The following CPXM2 variants were observed in gnomAD, a reference collection of about 807,000 sequenced individuals.
CPXM2 encodes the protein carboxypeptidase X, M14 family member 2.
CPXM2 carries 66 observed loss-of-function variants against 86.1 expected under a neutral mutation model. The observed-to-expected ratio is 0.77, with a 90% CI of 0.63 to 0.94. The LOEUF is 0.94. CPXM2 is among the 40% of genes least tolerant of loss of function. CPXM2 has a pLI of 0.00. For missense variants in CPXM2, 948 were observed against 1,026.3 expected, an observed-to-expected ratio of 0.92 and a Z score of 1.04; for synonymous variants, 388 against 400.2, an observed-to-expected ratio of 0.97 and a Z score of 0.36.
At chr10:123,789,464 T>C (rs1369533110) in intron 6 of CPXM2, among the ~76,000 whole-genome samples, 1 of 152,234 alleles carries the variant, frequency 6.6e-6, no homozygotes, top group East Asian at 1.9e-4. Context: ...GCAGGGAAGC[T>C]GTCAGGAAAG....
intron 3 of CPXM2, among the ~76,000 whole-genome samples, chr10:123,862,046 C>T (rs541631547): frequency 1.3e-5 from 2 of 152,314 alleles, no homozygotes; most frequent in Admixed American, 1.3e-4. Flanking sequence ...ACTGATGGGA[C>T]TGACAGAGAG....
intron 2 of CPXM2, among the ~76,000 whole-genome samples, chr10:123,928,455 T>C (rs1425549617): frequency 1.3e-5 from 2 of 152,258 alleles, no homozygotes; most frequent in Non-Finnish European, 2.9e-5. Context: ...GCTCTTCTTA[T>C]AATATGGCCT....
intron 2 of CPXM2, among the ~76,000 whole-genome samples, chr10:123,877,197 T>C (rs866145511): frequency 6.6e-6 from 1 of 152,144 alleles, no homozygotes; most frequent in Non-Finnish European, 1.5e-5. Context: ...GTAAATAACA[T>C]GGCATAAGGT....
At chr10:123,921,337 C>T (rs1246653830) in intron 2 of CPXM2, among the ~76,000 whole-genome samples, 7 of 152,064 alleles carry the variant, frequency 4.6e-5, no homozygotes, top group Admixed American at 2.0e-4. Context: ...TAGATTTGGC[C>T]TGCCTGACAG....
intron 2 of CPXM2, among the ~76,000 whole-genome samples, chr10:123,868,448 C>T (rs539651671): frequency 3.9e-5 from 6 of 152,130 alleles, no homozygotes; most frequent in Non-Finnish European, 8.8e-5. Context: ...AAGGCAGAGA[C>T]GGCAGAAAGG....
At chr10:123,833,799 C>T (rs1057146035) in intron 4 of CPXM2, among the ~76,000 whole-genome samples, 1 of 152,176 alleles carries the variant, frequency 6.6e-6, no homozygotes, top group South Asian at 2.1e-4. Context: ...GGTCCGAGCA[C>T]ATTTCGGCTT....
At position 123,845,720 on chromosome 10, in the gene CPXM2, A is replaced by C. The variant is rs1317709790; in HGVS notation, c.514-3232T>G. On this transcript the variant is annotated intron_variant, in intron 3 of 13. Transcript: ENST00000241305. ...AGTTAAGTCTTCAAAACATGTAAGA[A>C]TCTAGTACACATAATAAACTAATAT... 3.3e-5 allele frequency among the ~76,000 whole-genome samples: 5 copies of C among 152,192 alleles called. No homozygotes were observed. In the East Asian group the frequency reaches 9.6e-4, roughly 29 times the overall value.
rs76411003 is a variant in CPXM2 at position 123,842,177 on chromosome 10, C to T, written c.653+172G>A. ...GTCGTTCTGAAACGCACCATCCCCC[C>T]CAGGAGAATGTGTCGACAACGAGCC... On this transcript the variant is annotated intron_variant, in intron 4 of 13. Transcript: ENST00000241305. Among the ~76,000 whole-genome samples, 38 of 152,346 alleles carry T rather than the reference C, an allele frequency of 2.5e-4. No homozygotes were observed. The East Asian group carries it at 5.0e-3, about 20-fold the overall frequency.
At chr10:123,935,290 GAAT>G (rs1238253026) in intron 2 of CPXM2, among the ~76,000 whole-genome samples, 3 of 152,286 alleles carry the variant, frequency 2.0e-5, no homozygotes, top group African/African-American at 7.2e-5. Flanking sequence ...CACTTTCAAT[GAAT>G]AAAACCTTAA....
At chr10:123,751,598 G>C (rs1239510223) in intron 13 of CPXM2, 1 of 985,210 alleles carries the variant, frequency 1.0e-6, no homozygotes, top group African/African-American at 1.7e-5. Context: ...GGTGAGCCGG[G>C]TGTCTGTCCA....
At chr10:123,751,204 C>T (rs2133967430) in intron 13 of CPXM2, 1 of 249,220 alleles carries the variant, frequency 4.0e-6, no homozygotes, top group African/African-American at 2.3e-5. Flanking sequence ...CACCCATAAG[C>T]CAGAGATGTT....
intron 3 of CPXM2, among the ~76,000 whole-genome samples, chr10:123,842,916 T>G (rs1354409007): frequency 6.6e-6 from 1 of 152,136 alleles, no homozygotes; most frequent in Non-Finnish European, 1.5e-5. Context: ...CCGGTGCTAT[T>G]TCAGGAATAT....
chr10:123,924,060 A>G (rs1564823649), intron 2 of CPXM2, among the ~76,000 whole-genome samples: 2 of 152,244 alleles, frequency 1.3e-5, no homozygotes, highest in Non-Finnish European at 2.9e-5. Flanking sequence ...TTGTGGTTAT[A>G]TAAGTAAAAA....
chr10:123,753,087 C>T (rs1419556110), intron 13 of CPXM2, among the ~76,000 whole-genome samples: 5 of 152,042 alleles, frequency 3.3e-5, no homozygotes, highest in African/African-American at 4.8e-5. Flanking sequence ...GAGAGGGTGA[C>T]GTCTGAGCAA....
intron 7 of CPXM2, among the ~76,000 whole-genome samples, chr10:123,774,851 G>T (rs753671135): frequency 6.6e-6 from 1 of 152,208 alleles, no homozygotes; most frequent in Non-Finnish European, 1.5e-5. Context: ...GACAGACACT[G>T]CCAGGACAGC....
chr10:123,826,892 C>G (rs1848059450), intron 4 of CPXM2, among the ~76,000 whole-genome samples: 2 of 151,872 alleles, frequency 1.3e-5, no homozygotes, highest in Non-Finnish European at 1.5e-5. Flanking sequence ...TATCTATGCA[C>G]TAAAACATAG....
intron 2 of CPXM2, among the ~76,000 whole-genome samples, chr10:123,916,483 A>T (rs1357142049): frequency 2.0e-5 from 3 of 152,202 alleles, no homozygotes; most frequent in Admixed American, 6.5e-5. Flanking sequence ...ATGGAGCCCC[A>T]TGGGAGTTCC....
chr10:123,863,422 T>C (rs1037539482), intron 2 of CPXM2, among the ~76,000 whole-genome samples: 22 of 152,136 alleles, frequency 1.4e-4, no homozygotes, highest in African/African-American at 5.3e-4. Context: ...GGTCCCCGCA[T>C]TGAGGGGGTT....
chr10:123,943,427 C>T (rs1353317893), upstream of CPXM2, among the ~76,000 whole-genome samples: 1 of 152,172 alleles, frequency 6.6e-6, no homozygotes, highest in Non-Finnish European at 1.5e-5. Context: ...AATTCAATGC[C>T]TCAGGGGAGC....
Sources: allele counts gnomAD v4.1 joint callset (sites outside exome capture counted in the v4.1 genomes callset), GRCh38; gene constraint gnomAD v4.1.1; transcripts MANE v1.5; gene names NCBI Gene and HGNC (gene_info 2026-07-23, HGNC 2026-07-21).